Variants in PLK4 observed in about 807,000 individuals in gnomAD.
PLK4 encodes the protein polo like kinase 4.
In PLK4, 51 loss-of-function variants were observed where a neutral mutation model predicts 103.0. That is an observed-to-expected ratio of 0.50 (90% CI 0.40 to 0.63). The LOEUF (loss-of-function observed/expected upper bound fraction) is 0.63, where lower values mean the gene tolerates loss of function less well. PLK4 is among the 20% of genes least tolerant of loss of function. The pLI is 0.00. For synonymous variants in PLK4, 389 were observed against 376.8 expected, an observed-to-expected ratio of 1.03 and a Z score of -0.38; for missense variants, 1,054 against 1,151.0, an observed-to-expected ratio of 0.92 and a Z score of 1.22.
chr4:127,881,479 A>C, intron 1 of PLK4: 1 of 1,050,294 alleles, frequency 9.5e-7, no homozygotes, highest in South Asian at 1.8e-5. Flanking sequence ...CACTTCTCCA[A>C]GGGGATGGCG....
chr4:127,892,230 C>T, intron 9 of PLK4, 135 bp from the exon 10 acceptor site: 1 of 576,176 alleles, frequency 1.7e-6, no homozygotes. Context: ...AATAGTAAGC[C>T]TTCATTGAGG....
At position 127,883,519 on chromosome 4, in the gene PLK4, A is replaced by G. The variant is rs893628118; in HGVS notation, c.303A>G (p.Leu101=). 9 of 1,541,336 alleles carry G rather than the reference A, an allele frequency of 5.8e-6. No homozygotes were observed. The African/African-American group carries it at 1.1e-4, about 19-fold the overall frequency. Residue 101 remains leucine (L), a synonymous_variant, in exon 4 of 16, where the codon CTA becomes CTG. Transcript: ENST00000270861. The part of the protein sequence containing the change: ...MCHNGEMNRY[L]KNRVKPFSEN... ...ATAATGGAGAAATGAACAGGTATCTAAAGAATAGAGTGAAACCCTTCTCAG... is the reference window on the plus strand; with the variant it reads ...ATAATGGAGAAATGAACAGGTATCTGAAGAATAGAGTGAAACCCTTCTCAG...
At chr4:127,891,441 T>A (rs1208556029) in intron 8 of PLK4, 138 bp from the exon 9 acceptor site, 1 of 453,576 alleles carries the variant, frequency 2.2e-6, no homozygotes, top group Non-Finnish European at 3.9e-6. Flanking sequence ...GCAAAAAAAT[T>A]ACTTTTACAG....
At chr4:127,882,434 C>T (rs191179453) in intron 2 of PLK4, among the ~76,000 whole-genome samples, 6 of 152,220 alleles carry the variant, frequency 3.9e-5, no homozygotes, top group Admixed American at 3.3e-4. Flanking sequence ...AACTGTGCAA[C>T]ATGGTGAAAC....
rs765027223 is a variant in PLK4, at chr4:127,893,352, A to T, written c.2256A>T (p.Leu752Phe). The change falls in exon 11 of 16, where the codon TTA becomes TTT. Residue 752 changes from leucine (L) to phenylalanine (F), a missense_variant. By Grantham distance (22) the Leu-to-Phe change is conservative. Around this residue, in one of 4 missense-constraint regions of PLK4, gnomAD observed 680 missense variants for 660.3 expected, o/e 1.03. Coordinates refer to ENST00000270861, the MANE Select transcript of PLK4 (RefSeq NM_014264.5). ...AAAAGACAGGGAAGTCTTACACTTT[A>T]AAAAGTGAAAGTGAAGTTAATAGCT... ...VIEKTGKSYT[L>F]KSESEVNSLK... The T allele has an allele frequency of 3.7e-6, 6 of 1,602,868 alleles. No individual in the cohort carries two copies. The East Asian group carries it at 1.1e-4, about 30-fold the overall frequency.
At chr4:127,884,334 A>G (rs1735036741) in intron 4 of PLK4, among the ~76,000 whole-genome samples, 2 of 152,256 alleles carry the variant, frequency 1.3e-5, no homozygotes, top group South Asian at 2.1e-4. Context: ...CTGAATCTAT[A>G]TAAGCCATTT....
In PLK4 at chr4:127,891,089, TA is replaced by T. The variant is rs767566343; in HGVS notation, c.1831-2del. 2 of 1,499,744 alleles carry T rather than the reference TA, an allele frequency of 1.3e-6. No homozygotes were observed. The highest frequency in any genetic ancestry group is 1.8e-6 in the Non-Finnish European group (2 of 1,101,770). The allele number at this position is 1,499,744 out of a possible 1,614,324, so 92.9% of individuals were successfully genotyped here. On this transcript the variant is annotated splice_acceptor_variant, in intron 7 of 15. Transcript: ENST00000270861. LOFTEE classifies it high-confidence loss of function. ...ACTGATTTTGGGTTTTTTTTTTTTT[TA>T]GGTGAGCATACTTGATTCAGAGGAG...
Position 127,890,181 on chromosome 4 carries a change from C to G in PLK4, c.1775C>G (p.Ser592Cys), listed in dbSNP as rs141081905. Residue 592 changes from serine to cysteine, a missense_variant, in exon 7 of 16, where the codon TCT becomes TGT. Ser to Cys is a moderately radical substitution (Grantham distance 112, BLOSUM62 -1). Coordinates refer to ENST00000270861, the MANE Select transcript of PLK4 (RefSeq NM_014264.5). ...AATCGTACATTAAGAAGCATTACATCTCCGTTGGTTGCTCACAGGTTAAAA... is the reference window on the plus strand; with the variant it reads ...AATCGTACATTAAGAAGCATTACATGTCCGTTGGTTGCTCACAGGTTAAAA... ...YQNRTLRSIT[S>C]PLVAHRLKPI... is the part of the protein sequence containing the mutation. The G allele has an allele frequency of 6.2e-7, 1 of 1,613,484 alleles. No individual in the cohort carries two copies.
chr4:127,888,443 C>T (rs1479973662), intron 6 of PLK4, among the ~76,000 whole-genome samples: 1 of 152,098 alleles, frequency 6.6e-6, no homozygotes, highest in Non-Finnish European at 1.5e-5. Context: ...AGTAGTCTGG[C>T]TCAGAGACTT....
intron 2 of PLK4, among the ~76,000 whole-genome samples, chr4:127,882,409 C>T (rs1194165838): frequency 6.6e-6 from 1 of 152,104 alleles, no homozygotes; most frequent in Non-Finnish European, 1.5e-5. Flanking sequence ...CACCTGAGCT[C>T]AGGAGTTTGA....
intron 4 of PLK4, among the ~76,000 whole-genome samples, chr4:127,885,005 T>A (rs1357868468): frequency 6.6e-6 from 1 of 152,162 alleles, no homozygotes; most frequent in Non-Finnish European, 1.5e-5. Context: ...TTTAGCTTTT[T>A]CTTTTTTTTA....
chr4:127,881,021 G>T lies in PLK4; in HGVS notation c.-114G>T. The T allele has an allele frequency of 2.4e-6, 3 of 1,237,546 alleles. No individual in the cohort carries two copies. The highest frequency in any genetic ancestry group is 2.3e-6 in the Non-Finnish European group (2 of 854,024). 76.7% of individuals were successfully genotyped at this position (1,237,546 alleles called of 1,614,324 possible). A position where few individuals can be genotyped will look rare whatever the true frequency, so the allele number is the denominator to read the frequency against. On this transcript the variant is annotated 5_prime_UTR_variant, in exon 1 of 16. Coordinates refer to ENST00000270861, the MANE Select transcript of PLK4 (RefSeq NM_014264.5). The stretch of plus-strand genomic sequence containing the variant: ...TTCAGCGTCGTCGCCTGGAGCGGCG[G>T]TTTAGAGAGCCGAGCCTGATGGGCG...
chr4:127,889,652 A>G (rs1307102725), intron 6 of PLK4, among the ~76,000 whole-genome samples: 3 of 152,194 alleles, frequency 2.0e-5, no homozygotes, highest in Admixed American at 2.0e-4. Context: ...TAGGAATACT[A>G]AAGGTATTTC....
chr4:127,894,058 T>C (rs1452746345), intron 13 of PLK4, among the ~76,000 whole-genome samples, 177 bp downstream of exon 13: 1 of 152,210 alleles, frequency 6.6e-6, no homozygotes, highest in Non-Finnish European at 1.5e-5. Context: ...TTCAGTTCTT[T>C]AAACAAGTCA....
intron 2 of PLK4, among the ~76,000 whole-genome samples, 172 bp from the exon 3 acceptor site, chr4:127,883,090 C>T (rs578153854): frequency 1.3e-5 from 2 of 152,072 alleles, no homozygotes; most frequent in South Asian, 2.1e-4. Flanking sequence ...TACCAAGCAC[C>T]CTCTCTGCCG....
At chr4:127,885,342 G>A (rs1159194821) in intron 4 of PLK4, among the ~76,000 whole-genome samples, 2 of 151,758 alleles carry the variant, frequency 1.3e-5, no homozygotes, top group African/African-American at 2.4e-5. Context: ...AGCCAGGCAC[G>A]GTGGCGGGCG....
chr4:127,892,460 T>C lies in PLK4; in HGVS notation c.2134T>C (p.Cys712Arg). The change falls in exon 10 of 16, where the codon TGC (cysteine) becomes CGC (arginine). Residue 712 changes from cysteine to arginine, a missense_variant. Coordinates refer to ENST00000270861, the MANE Select transcript of PLK4 (RefSeq NM_014264.5). ...KITYFTRYAKCILMENSPGAD... is the reference protein window; with the variant it reads ...KITYFTRYAKRILMENSPGAD... Reference sequence around the variant, plus strand: ...CACTTATTTTACAAGATATGCTAAATGCATTTTGATGGAGAATTCTCCTGG... The same window carrying C: ...CACTTATTTTACAAGATATGCTAAACGCATTTTGATGGAGAATTCTCCTGG... 1 of 1,600,414 alleles carries C rather than the reference T, an allele frequency of 6.2e-7. No individual in the cohort carries two copies. Among genetic ancestry groups the C allele is most frequent in the East Asian group, 2.3e-5 (1 of 43,524 alleles).
Position 127,887,470 on chromosome 4 carries a change from A to G in PLK4, c.1433A>G (p.Gln478Arg), listed in dbSNP as rs1735179704. The stretch of plus-strand genomic sequence containing the variant: ...ACACCTCAGACTGAAACCGTACAAC[A>G]GTGGTTTGGGAATCTGCAAATAAAT... ...DPTPQTETVQ[Q>R]WFGNLQINAH... The change falls in exon 6 of 16, where the codon CAG becomes CGG. Residue 478 changes from glutamine to arginine, a missense_variant. Gln to Arg is a conservative substitution (Grantham distance 43). Transcript: ENST00000270861. 5.0e-6 allele frequency: 8 copies of G among 1,607,050 alleles called. No individual in the cohort carries two copies. The highest frequency in any genetic ancestry group is 6.0e-6 in the Non-Finnish European group (7 of 1,174,528).
intron 2 of PLK4, among the ~76,000 whole-genome samples, chr4:127,882,572 C>T (rs1560690650): frequency 6.6e-6 from 1 of 152,132 alleles, no homozygotes; most frequent in Non-Finnish European, 1.5e-5. Context: ...CCAGCCTGAC[C>T]AACATGGAGA....
Sources: gnomAD v4.1 joint callset for allele counts (sites outside exome capture counted in the v4.1 genomes callset) on GRCh38, gnomAD v4.1.1 for gene constraint, gnomAD v4.1.1 regional missense constraint, MANE v1.5 for transcripts, NCBI Gene and HGNC (gene_info 2026-07-23, HGNC 2026-07-21) for gene names.